Variants in MYO6 observed in about 807,000 individuals in gnomAD.
MYO6 encodes the protein myosin VI.
MYO6 carries 74 observed loss-of-function variants against 178.7 expected under a neutral mutation model. The ratio of observed to expected loss-of-function variants is 0.41; its 90% CI spans 0.34 to 0.50. MYO6 has a LOEUF of 0.50. MYO6 is among the 20% of genes least tolerant of loss of function. The pLI, the probability that MYO6 is intolerant of heterozygous loss-of-function variation, is 0.09. For synonymous variants in MYO6, 477 were observed against 504.6 expected (o/e 0.95, Z 0.73); for missense variants, 1,330 against 1,547.4 (o/e 0.86, Z 2.36).
chr6:75,912,474 A>C (rs959764060), intron 33 of MYO6, among the ~76,000 whole-genome samples: 2 of 152,072 alleles, frequency 1.3e-5, no homozygotes, highest in Non-Finnish European at 2.9e-5. Flanking sequence ...ATTCGTTTCT[A>C]GTCTTCCCCA....
At chr6:75,912,223 A>G (rs937774185) in intron 33 of MYO6, among the ~76,000 whole-genome samples, 1 of 152,034 alleles carries the variant, frequency 6.6e-6, no homozygotes, top group Non-Finnish European at 1.5e-5. Flanking sequence ...ATTCTTTGAT[A>G]ATTTAAAAGC....
At chr6:75,861,605 C>A (rs146439381) in intron 15 of MYO6, among the ~76,000 whole-genome samples, 1 of 152,190 alleles carries the variant, frequency 6.6e-6, no homozygotes, top group Non-Finnish European at 1.5e-5. Context: ...GGTAAAGAAA[C>A]CTTTCCCTAT....
intron 16 of MYO6, among the ~76,000 whole-genome samples, chr6:75,863,465 C>T (rs541052026): frequency 4.6e-5 from 7 of 151,874 alleles, no homozygotes; most frequent in African/African-American, 1.4e-4. Flanking sequence ...TCTAAAAGGC[C>T]AGAAGACCTG....
At chr6:75,797,440 G>A (rs1768980637) in intron 1 of MYO6, among the ~76,000 whole-genome samples, 1 of 152,158 alleles carries the variant, frequency 6.6e-6, no homozygotes, top group African/African-American at 2.4e-5. Flanking sequence ...GAATGCATGT[G>A]TCTTTTTGGT....
intron 3 of MYO6, among the ~76,000 whole-genome samples, chr6:75,826,049 C>G (rs1212510070): frequency 6.6e-6 from 1 of 152,078 alleles, no homozygotes; most frequent in Non-Finnish European, 1.5e-5. Context: ...GCCAAGTAAT[C>G]CTAGGACTGA....
In MYO6 at chr6:75,855,296, A is replaced by G; in HGVS notation, c.1223+13A>G. 1.9e-6 allele frequency: 3 copies of G among 1,612,708 alleles called. No individual in the cohort carries two copies. The highest frequency in any genetic ancestry group is 2.2e-5 in the South Asian group (2 of 90,982). ...GAACAGTTATAAAGTAAGTTCCTTA[A>G]GTAATTGCACTGCAAAAATTTTGCC... On this transcript the variant is annotated intron_variant, in intron 12 of 34. Transcript: ENST00000369977.
chr6:75,841,070 T>C, intron 8 of MYO6, 144 bp from the exon 9 acceptor site: 1 of 804,600 alleles, frequency 1.2e-6, no homozygotes, highest in South Asian at 1.6e-5. Flanking sequence ...GTTTAGTTAT[T>C]TGTTTTTTCC....
At chr6:75,881,943 A>G in intron 23 of MYO6, 125 bp downstream of exon 23, 1 of 1,100,116 alleles carries the variant, frequency 9.1e-7, no homozygotes, top group Non-Finnish European at 1.4e-6. Context: ...ACTGGGTCCC[A>G]GGTTCCTATT....
At chr6:75,850,984 T>C in intron 11 of MYO6, among the ~76,000 whole-genome samples, 1 of 152,184 alleles carries the variant, frequency 6.6e-6, no homozygotes, top group African/African-American at 2.4e-5. Flanking sequence ...AAATTTGTTT[T>C]GAAAATGTAA....
At chr6:75,851,769 C>T (rs866940860) in intron 11 of MYO6, among the ~76,000 whole-genome samples, 10 of 152,134 alleles carry the variant, frequency 6.6e-5, no homozygotes, top group Admixed American at 1.3e-4. Flanking sequence ...TGAGCCCTGG[C>T]GGTCGAGGCT....
chr6:75,756,173 A>G (rs114441198), intron 1 of MYO6, among the ~76,000 whole-genome samples: 103 of 152,030 alleles, frequency 6.8e-4, no homozygotes, highest in African/African-American at 2.3e-3. Flanking sequence ...GGCAGGAGGA[A>G]TGCTTGAGCC....
intron 1 of MYO6, among the ~76,000 whole-genome samples, chr6:75,811,157 TTG>T (rs1327535527): frequency 6.6e-6 from 1 of 152,092 alleles, no homozygotes; most frequent in Non-Finnish European, 1.5e-5. Flanking sequence ...AATATGGAGT[TTG>T]TGTGGTTGGT....
At chr6:75,891,414 C>T (rs933278868) in intron 27 of MYO6, 108 bp downstream of exon 27, 10 of 703,068 alleles carry the variant, frequency 1.4e-5, no homozygotes, top group Non-Finnish European at 1.9e-5. Context: ...GGGCGGATCA[C>T]GAGGTCAGGA....
intron 3 of MYO6, among the ~76,000 whole-genome samples, chr6:75,828,076 A>T (rs144155356): frequency 2.0e-5 from 3 of 152,180 alleles, no homozygotes; most frequent in Non-Finnish European, 2.9e-5. Context: ...AGGAGTCTTC[A>T]TTATGTCAGT....
chr6:75,827,791 A>G (rs552406938), intron 3 of MYO6, among the ~76,000 whole-genome samples: 27 of 152,042 alleles, frequency 1.8e-4, no homozygotes, highest in Non-Finnish European at 3.7e-4. Flanking sequence ...AGGGAGAGAG[A>G]AGATGATTTT....
chr6:75,875,864 A>G (rs1777532330), intron 20 of MYO6, among the ~76,000 whole-genome samples: 2 of 152,010 alleles, frequency 1.3e-5, no homozygotes, highest in African/African-American at 2.4e-5. Flanking sequence ...TCACTCCACA[A>G]CTCATCTCTA....
chr6:75,817,681 G>T lies in MYO6; in HGVS notation c.117+17G>T. Reference sequence around the variant, plus strand: ...AAAGGCAAGGTGAGTTTCTCAGAAAGATGTTGAAATATGATTTCTTTCAAA... The same window carrying T: ...AAAGGCAAGGTGAGTTTCTCAGAAATATGTTGAAATATGATTTCTTTCAAA... On this transcript the variant is annotated intron_variant, in intron 2 of 34. Transcript: ENST00000369977. 2 of 1,602,342 alleles carry T rather than the reference G, an allele frequency of 1.2e-6. No individual in the cohort carries two copies. The highest frequency in any genetic ancestry group is 1.7e-6 in the Non-Finnish European group (2 of 1,169,286).
At chr6:75,860,940 G>T in intron 14 of MYO6, 83 bp from the exon 15 acceptor site, 2 of 1,046,792 alleles carry the variant, frequency 1.9e-6, no homozygotes, top group Non-Finnish European at 1.5e-6. Flanking sequence ...ATTCTAATTA[G>T]CAAATGTTAT....
intron 22 of MYO6, among the ~76,000 whole-genome samples, chr6:75,881,052 GA>G (rs1439052353): frequency 6.6e-6 from 1 of 152,162 alleles, no homozygotes; most frequent in Non-Finnish European, 1.5e-5. Flanking sequence ...AGGAGTTTGA[GA>G]CCAGCTTGGG....
Sources: allele counts gnomAD v4.1 joint callset (sites outside exome capture counted in the v4.1 genomes callset), GRCh38; gene constraint gnomAD v4.1.1; transcripts MANE v1.5; gene names NCBI Gene and HGNC (gene_info 2026-07-23, HGNC 2026-07-21).